IQCM: variants seen among roughly 807,000 people sequenced by gnomAD.
IQCM encodes the protein IQ motif containing M.
A neutral mutation model predicts 57.6 loss-of-function variants in IQCM; 45 were observed. The observed-to-expected ratio is 0.78, with a 90% CI of 0.62 to 1.00. The LOEUF is 1.00. IQCM is among the 50% of genes least tolerant of loss of function. The probability of loss-of-function intolerance (pLI) is 0.00; values close to 1 mark genes in which losing one functional copy is unlikely to be tolerated. For missense variants in IQCM, 468 were observed against 511.6 expected (o/e 0.91, Z 0.82); for synonymous variants, 148 against 158.9 (o/e 0.93, Z 0.51).
intron 12 of IQCM, among the ~76,000 whole-genome samples, chr4:149,473,349 A>G (rs1169039201): frequency 1.3e-5 from 2 of 152,252 alleles, no homozygotes; most frequent in African/African-American, 4.8e-5. Flanking sequence ...GAAGACATTT[A>G]TGCAGCCAAC....
At chr4:149,733,205 G>A (rs773556553) in intron 5 of IQCM, 39 bp downstream of exon 5, 54 of 1,227,784 alleles carry the variant, frequency 4.4e-5, no homozygotes, top group African/African-American at 7.8e-5. Context: ...AGTTTTGTCC[G>A]TGAGTTTGCT....
chr4:149,553,510 T>A (rs1471809724), intron 10 of IQCM, among the ~76,000 whole-genome samples: 1 of 152,210 alleles, frequency 6.6e-6, no homozygotes, highest in African/African-American at 2.4e-5. Context: ...ATACTTCCCA[T>A]AGAATAGAGC....
chr4:149,398,733 G>T (rs1055005394), intron 13 of IQCM, among the ~76,000 whole-genome samples: 4 of 151,824 alleles, frequency 2.6e-5, no homozygotes, highest in South Asian at 2.1e-4. Context: ...TTGAGACAGG[G>T]TCTAGCTATG....
chr4:149,573,894 T>C (rs1441418655), intron 9 of IQCM, among the ~76,000 whole-genome samples: 1 of 152,016 alleles, frequency 6.6e-6, no homozygotes, highest in African/African-American at 2.4e-5. Context: ...CTCTGTGTGA[T>C]GAAATCAAAG....
intron 13 of IQCM, among the ~76,000 whole-genome samples, chr4:149,358,640 C>T (rs1016316142): frequency 4.0e-5 from 6 of 151,892 alleles, no homozygotes; most frequent in African/African-American, 1.5e-4. Context: ...AAGTCAAATC[C>T]TGGATAATAT....
intron 12 of IQCM, among the ~76,000 whole-genome samples, chr4:149,480,981 T>C (rs1271314503): frequency 2.0e-5 from 3 of 152,202 alleles, no homozygotes; most frequent in African/African-American, 7.2e-5. Context: ...TCATTGCAGT[T>C]CTGACTTGCA....
At position 149,368,947 on chromosome 4, in the gene IQCM, T is replaced by TACAC. The variant is rs1491104450; in HGVS notation, c.1391-16882_1391-16881insGTGT. On this transcript the variant is annotated intron_variant, in intron 13 of 13. Transcript: ENST00000636793. Reference sequence around the variant, plus strand: ...ATATATACACGTGTATATATATGTGTATATATATACACGTGTATATATATA... The same window carrying TACAC: ...ATATATACACGTGTATATATATGTGTACACATATATATACACGTGTATATATATA... 2.8e-5 allele frequency among the ~76,000 whole-genome samples: 2 copies of TACAC among 70,194 alleles called. 1 individual carries two copies. The highest frequency in any genetic ancestry group is 6.5e-5 in the Non-Finnish European group (2 of 30,552). 46.0% of individuals were successfully genotyped at this position (70,194 alleles called of 152,430 possible).
intron 12 of IQCM, among the ~76,000 whole-genome samples, chr4:149,446,481 T>C (rs1460562771): frequency 2.6e-5 from 4 of 151,664 alleles, no homozygotes; most frequent in Non-Finnish European, 4.4e-5. Flanking sequence ...ATTTTTAAGA[T>C]GCAAAGTGTC....
Position 149,547,586 on chromosome 4 carries a change from G to C in IQCM, c.1228+869C>G, listed in dbSNP as rs955488128. Among the ~76,000 whole-genome samples the C allele has an allele frequency of 3.9e-5, 6 of 152,238 alleles. No homozygotes were observed. The South Asian group carries it at 1.0e-3, about 26-fold the overall frequency. On this transcript the variant is annotated intron_variant, in intron 12 of 13. Transcript: ENST00000636793. The stretch of plus-strand genomic sequence containing the variant: ...CTGGGGATCTAATGTACAGCATGGT[G>C]ACTGTCGTTAATACTGTATTGATTA...
chr4:149,713,353 T>C (rs564602766), intron 5 of IQCM, among the ~76,000 whole-genome samples: 3 of 152,298 alleles, frequency 2.0e-5, no homozygotes, highest in African/African-American at 4.8e-5. Context: ...CTCCCTCTTA[T>C]TTTGTCATCT....
At chr4:149,353,770 G>T (rs1422987181) in intron 13 of IQCM, among the ~76,000 whole-genome samples, 3 of 152,108 alleles carry the variant, frequency 2.0e-5, no homozygotes, top group Non-Finnish European at 4.4e-5. Flanking sequence ...TTGGTTACTA[G>T]AGGTGGAGGA....
intron 12 of IQCM, among the ~76,000 whole-genome samples, chr4:149,481,933 GT>G (rs57219929): frequency 1 from 150,664 of 150,730 alleles, 75,299 homozygotes; most frequent in Middle Eastern, 1. Flanking sequence ...TTTTGGGGGG[GT>G]TGGTTTTCTT....
intron 5 of IQCM, among the ~76,000 whole-genome samples, chr4:149,690,538 G>A (rs1273094723): frequency 1.3e-5 from 2 of 151,980 alleles, no homozygotes; most frequent in African/African-American, 2.4e-5. Context: ...TTAACTTGTA[G>A]CCAAATACCA....
At chr4:149,425,574 C>T (rs1194867477) in intron 13 of IQCM, among the ~76,000 whole-genome samples, 1 of 151,902 alleles carries the variant, frequency 6.6e-6, no homozygotes, top group Non-Finnish European at 1.5e-5. Context: ...GGAAATTTGC[C>T]CTTCCTCCAC....
chr4:149,626,027 T>C (rs1175846704), intron 7 of IQCM, among the ~76,000 whole-genome samples: 2 of 152,106 alleles, frequency 1.3e-5, no homozygotes, highest in African/African-American at 4.8e-5. Flanking sequence ...GAGTGTCAAC[T>C]TGACTGGATT....
At chr4:149,424,457 T>C (rs143313627) in intron 13 of IQCM, among the ~76,000 whole-genome samples, 15 of 151,788 alleles carry the variant, frequency 9.9e-5, no homozygotes, top group Admixed American at 8.6e-4. Context: ...TCTCAAACTT[T>C]TATTACATTA....
intron 8 of IQCM, among the ~76,000 whole-genome samples, chr4:149,610,241 G>T (rs1002828249): frequency 2.6e-5 from 4 of 151,846 alleles, no homozygotes; most frequent in Non-Finnish European, 5.9e-5. Context: ...CAAAAAAATG[G>T]AAGGGTATTC....
At chr4:149,620,932 G>A (rs549624773) in intron 8 of IQCM, among the ~76,000 whole-genome samples, 197 bp downstream of exon 8, 1 of 152,208 alleles carries the variant, frequency 6.6e-6, no homozygotes, top group African/African-American at 2.4e-5. Flanking sequence ...TTGTGGGATC[G>A]GGTGATCAGC....
chr4:149,709,158 AC>A (rs1764374475), intron 5 of IQCM, among the ~76,000 whole-genome samples: 1 of 152,116 alleles, frequency 6.6e-6, no homozygotes, highest in South Asian at 2.1e-4. Context: ...AAACTCTAAA[AC>A]CACATAATGT....
Sources: allele counts gnomAD v4.1 joint callset (sites outside exome capture counted in the v4.1 genomes callset), GRCh38; gene constraint gnomAD v4.1.1; transcripts MANE v1.5; gene names NCBI Gene and HGNC (gene_info 2026-07-23, HGNC 2026-07-21).